The following IL34 variants were observed in gnomAD, a reference collection of about 807,000 sequenced individuals.
IL34 encodes interleukin-34.
A neutral mutation model predicts 25.3 loss-of-function variants in IL34; 17 were observed. That is an observed-to-expected ratio of 0.67 (90% CI 0.46 to 1.01). IL34 has a LOEUF of 1.01. IL34 is among the 50% of genes least tolerant of loss of function. IL34 has a pLI of 0.00. For missense variants in IL34, 368 were observed against 312.9 expected, an observed-to-expected ratio of 1.18 and a Z score of -1.33; for synonymous variants, 174 against 140.9, an observed-to-expected ratio of 1.23 and a Z score of -1.66.
chr16:70,640,904 T>C (rs1300323299), intron 1 of IL34, among the ~76,000 whole-genome samples: 1 of 152,162 alleles, frequency 6.6e-6, no homozygotes, highest in African/African-American at 2.4e-5. Context: ...CCCTGGAGTT[T>C]TGCTTTTTCC....
chr16:70,615,467 A>T (rs886604826), intron 1 of IL34, among the ~76,000 whole-genome samples: 1 of 152,110 alleles, frequency 6.6e-6, no homozygotes, highest in Non-Finnish European at 1.5e-5. Context: ...AGATTGCGCC[A>T]CTGCACTCCA....
intron 1 of IL34, among the ~76,000 whole-genome samples, chr16:70,592,210 G>C (rs926417776): frequency 1.4e-5 from 2 of 147,832 alleles, no homozygotes; most frequent in South Asian, 2.2e-4. Context: ...CTGCTGGCCC[G>C]GCTGAGGCTG....
chr16:70,611,454 CCT>C (rs1372456455), intron 1 of IL34, among the ~76,000 whole-genome samples: 1 of 152,102 alleles, frequency 6.6e-6, no homozygotes, highest in African/African-American at 2.4e-5. Context: ...AAAAGCCTGA[CCT>C]CTTTGCCTCA....
At chr16:70,605,052 T>G (rs760441089) in intron 1 of IL34, among the ~76,000 whole-genome samples, 6 of 151,934 alleles carry the variant, frequency 3.9e-5, no homozygotes, top group Admixed American at 1.3e-4. Context: ...GTGTTTTGCT[T>G]ATTGGAAACA....
intron 1 of IL34, among the ~76,000 whole-genome samples, chr16:70,627,367 G>T (rs569275983): frequency 6.6e-6 from 1 of 151,696 alleles, no homozygotes; most frequent in East Asian, 1.9e-4. Flanking sequence ...GCGTGTAGAA[G>T]CCCCCCACCA....
At position 70,660,198 on chromosome 16, in the gene IL34, T is replaced by C; in HGVS notation, c.*11T>C. ...GGCCTCTTGCCCTGAGCACCCTGGA[T>C]GGTGACTGCGGATAGGGGCAGCCAG... On this transcript the variant is annotated 3_prime_UTR_variant, in exon 6 of 6. Coordinates refer to ENST00000288098, the MANE Select transcript of IL34 (RefSeq NM_001393494.1). 1 of 1,556,328 alleles carries C rather than the reference T, an allele frequency of 6.4e-7. No individual in the cohort carries two copies. Among genetic ancestry groups the C allele is most frequent in the Non-Finnish European group, 8.7e-7 (1 of 1,153,494 alleles).
intron 4 of IL34, among the ~76,000 whole-genome samples, chr16:70,658,561 A>C (rs775877768): frequency 2.6e-5 from 4 of 151,720 alleles, no homozygotes; most frequent in Non-Finnish European, 5.9e-5. Context: ...GGCTCACTGC[A>C]ACCTCCGTCT....
chr16:70,591,026 C>T (rs370402290), intron 1 of IL34, among the ~76,000 whole-genome samples: 53 of 152,342 alleles, frequency 3.5e-4, no homozygotes, highest in Middle Eastern at 3.4e-3. Flanking sequence ...CTCGGGTCTC[C>T]GGGGTCTCAG....
In IL34 at chr16:70,658,966, C is replaced by G. The variant is rs75938091; in HGVS notation, c.403-652C>G. Among the ~76,000 whole-genome samples the G allele has an allele frequency of 7.6e-3, 1,151 of 152,284 alleles. 11 individuals carry two copies. Among genetic ancestry groups the G allele is most frequent in the Non-Finnish European group, 0.013 (894 of 68,038 alleles). ...CGGGTACCAAGGGGTAGGACCAAGACAGCTTTTTGGGGGAGGAGAGGGACA... is the reference window on the plus strand; with the variant it reads ...CGGGTACCAAGGGGTAGGACCAAGAGAGCTTTTTGGGGGAGGAGAGGGACA... On this transcript the variant is annotated intron_variant, in intron 4 of 5. Transcript: ENST00000288098.
intron 1 of IL34, among the ~76,000 whole-genome samples, chr16:70,633,372 G>C (rs1474074707): frequency 6.6e-6 from 1 of 151,782 alleles, no homozygotes; most frequent in African/African-American, 2.4e-5. Context: ...ACCTGCCTCA[G>C]CCTCCTGAGT....
At chr16:70,622,703 A>G (rs1031945603) in intron 1 of IL34, among the ~76,000 whole-genome samples, 2 of 152,212 alleles carry the variant, frequency 1.3e-5, no homozygotes, top group East Asian at 3.9e-4. Context: ...GCCAGGAACA[A>G]TGGTAATTGT....
At chr16:70,647,874 G>A (rs2151872028) in intron 1 of IL34, among the ~76,000 whole-genome samples, 1 of 152,340 alleles carries the variant, frequency 6.6e-6, no homozygotes, top group South Asian at 2.1e-4. Context: ...GAAACCCCTA[G>A]GTCATGAGAA....
intron 1 of IL34, among the ~76,000 whole-genome samples, chr16:70,583,859 C>T (rs533956433): frequency 6.6e-6 from 1 of 152,254 alleles, no homozygotes; most frequent in South Asian, 2.1e-4. Flanking sequence ...ACCATGTTGG[C>T]CAGGCTGATC....
At chr16:70,608,842 T>C (rs2051049642) in intron 1 of IL34, among the ~76,000 whole-genome samples, 1 of 151,138 alleles carries the variant, frequency 6.6e-6, no homozygotes. Context: ...TCTGGGAAGC[T>C]GGGAAGCAGA....
At chr16:70,615,321 A>G (rs1440858284) in intron 1 of IL34, among the ~76,000 whole-genome samples, 1 of 152,026 alleles carries the variant, frequency 6.6e-6, no homozygotes, top group Non-Finnish European at 1.5e-5. Flanking sequence ...ATTCTGGCTA[A>G]CATGGTGAAA....
chr16:70,655,226 C>A (rs915456406), intron 2 of IL34, among the ~76,000 whole-genome samples: 3 of 151,052 alleles, frequency 2.0e-5, no homozygotes, highest in Non-Finnish European at 4.4e-5. Flanking sequence ...CTAATTTTTG[C>A]AATTTTAGTA....
intron 1 of IL34, among the ~76,000 whole-genome samples, chr16:70,595,518 T>C (rs908399383): frequency 6.6e-6 from 1 of 150,878 alleles, no homozygotes; most frequent in African/African-American, 2.4e-5. Context: ...GGTTCTCACT[T>C]TGTTTCCCAG....
chr16:70,616,086 CA>C lies in IL34; in HGVS notation c.-400-30461del, dbSNP rs372247788. Among the ~76,000 whole-genome samples the C allele has an allele frequency of 1.1e-4, 17 of 152,316 alleles. No homozygotes were observed. The East Asian group carries it at 2.3e-3, about 21-fold the overall frequency. ...GTCTTGCTTGTTTTACTGAATCTAT[CA>C]TGCTATACTACTGTGTGGTGAACAT... is the stretch of plus-strand genomic sequence containing the variant. On this transcript the variant is annotated intron_variant, in intron 1 of 6. Transcript: ENST00000429149.
At chr16:70,652,766 G>A (rs901209506) in intron 1 of IL34, among the ~76,000 whole-genome samples, 3 of 152,192 alleles carry the variant, frequency 2.0e-5, no homozygotes, top group Admixed American at 1.3e-4. Context: ...GGGTGAAAGA[G>A]TATAGACATT....
Sources: gnomAD v4.1 joint callset for allele counts (sites outside exome capture counted in the v4.1 genomes callset) on GRCh38, gnomAD v4.1.1 for gene constraint, MANE v1.5 for transcripts, NCBI Gene and HGNC (gene_info 2026-07-23, HGNC 2026-07-21) for gene names.